The following RIN3 variants were observed in gnomAD, a reference collection of about 807,000 sequenced individuals.
RIN3 encodes the protein Ras and Rab interactor 3, also known as RAB5 interacting protein 3.
In RIN3, 54 loss-of-function variants were observed where a neutral mutation model predicts 76.3. The observed-to-expected ratio is 0.71, with a 90% CI of 0.57 to 0.89. RIN3 has a LOEUF of 0.89. Among genes scored for constraint, RIN3 ranks in the 40% least tolerant of loss-of-function variants. RIN3 has a pLI of 0.00. For synonymous variants in RIN3, 576 were observed against 564.0 expected (o/e 1.02, Z -0.30); for missense variants, 1,256 against 1,322.1 (o/e 0.95, Z 0.78).
chr14:92,591,716 G>A (rs1043938047), intron 3 of RIN3, among the ~76,000 whole-genome samples: 22 of 152,098 alleles, frequency 1.4e-4, no homozygotes, highest in Admixed American at 1.4e-3. Flanking sequence ...CACCAACCAA[G>A]ATTTCTGTAC....
intron 3 of RIN3, among the ~76,000 whole-genome samples, chr14:92,582,381 A>G (rs537062005): frequency 3.3e-5 from 5 of 151,976 alleles, no homozygotes; most frequent in East Asian, 1.9e-4. Flanking sequence ...TGCATTCACT[A>G]TAAATACACA....
intron 1 of RIN3, among the ~76,000 whole-genome samples, chr14:92,549,108 GGC>G (rs1897353403): frequency 1.3e-5 from 2 of 152,294 alleles, no homozygotes; most frequent in Admixed American, 6.5e-5. Context: ...GAGCCACACT[GGC>G]TTCTACTGGC....
intron 3 of RIN3, among the ~76,000 whole-genome samples, chr14:92,577,723 A>G (rs1193874600): frequency 6.6e-6 from 1 of 152,212 alleles, no homozygotes; most frequent in Non-Finnish European, 1.5e-5. Flanking sequence ...TCATGGCCAC[A>G]TTGAAGTTTC....
intron 3 of RIN3, among the ~76,000 whole-genome samples, chr14:92,601,145 A>G (rs1476659038): frequency 6.6e-6 from 1 of 152,240 alleles, no homozygotes; most frequent in Non-Finnish European, 1.5e-5. Context: ...GTATCTTAAA[A>G]TGACAATATT....
At chr14:92,634,084 T>G (rs1886687959) in intron 4 of RIN3, among the ~76,000 whole-genome samples, 1 of 111,628 alleles carries the variant, frequency 9.0e-6, no homozygotes, top group Admixed American at 9.0e-5. Flanking sequence ...TTTTTTTTTT[T>G]TTTTTTTGAG....
Position 92,513,923 on chromosome 14 carries a change from T to C in RIN3, c.-10T>C. The C allele has an allele frequency of 2.4e-6, 3 of 1,250,646 alleles. No homozygotes were observed. Among genetic ancestry groups the C allele is most frequent in the Non-Finnish European group, 3.0e-6 (3 of 997,814 alleles). The allele number at this position is 1,250,646 out of a possible 1,614,324, so 77.5% of individuals were successfully genotyped here. The stretch of plus-strand genomic sequence containing the variant: ...GCGCCTCCGTTCCCCGTCCCGGAGC[T>C]GCCGGCGGCATGATCCGACACGCCG... On this transcript the variant is annotated 5_prime_UTR_variant, in exon 1 of 10. Coordinates refer to ENST00000216487, the MANE Select transcript of RIN3 (RefSeq NM_024832.5).
At chr14:92,516,685 G>A (rs1896452888) in intron 1 of RIN3, among the ~76,000 whole-genome samples, 2 of 152,202 alleles carry the variant, frequency 1.3e-5, no homozygotes, top group South Asian at 4.2e-4. Flanking sequence ...GGCTGGGGGT[G>A]CAGGGTCCCC....
intron 1 of RIN3, among the ~76,000 whole-genome samples, chr14:92,521,266 C>A (rs1167250286): frequency 6.6e-6 from 1 of 152,140 alleles, no homozygotes; most frequent in Non-Finnish European, 1.5e-5. Context: ...TCCATCCATC[C>A]ATCCACTCAC....
intron 8 of RIN3, among the ~76,000 whole-genome samples, chr14:92,682,972 C>T (rs1383704042): frequency 1.3e-5 from 2 of 152,070 alleles, no homozygotes; most frequent in African/African-American, 4.8e-5. Flanking sequence ...TCGAGACCAG[C>T]CTGGCCAACA....
Position 92,681,510 on chromosome 14 carries a change from G to A in RIN3, c.2468-3477G>A, listed in dbSNP as rs534520927. Among the ~76,000 whole-genome samples the A allele has an allele frequency of 6.6e-6, 1 of 152,334 alleles. No individual in the cohort carries two copies. The highest frequency in any genetic ancestry group is 1.9e-4 in the East Asian group (1 of 5,176). On this transcript the variant is annotated intron_variant, in intron 8 of 9. Coordinates refer to ENST00000216487, the MANE Select transcript of RIN3 (RefSeq NM_024832.5). The surrounding 1 kb of genome is among the most constrained non-coding windows in gnomAD (Gnocchi z 4.7). ...CAACTTTATGATGTTTGCAGATAAG[G>A]AAACTGAGGCATAGAGAGGCCATTA... is the stretch of plus-strand genomic sequence containing the variant.
chr14:92,671,324 AGG>A (rs1222445961), intron 7 of RIN3, among the ~76,000 whole-genome samples: 2 of 146,010 alleles, frequency 1.4e-5, no homozygotes, highest in Non-Finnish European at 3.0e-5. Flanking sequence ...GGGTCCCAGG[AGG>A]GGGGGAACTG....
intron 7 of RIN3, among the ~76,000 whole-genome samples, chr14:92,660,069 A>G (rs1382636173): frequency 1.3e-5 from 2 of 152,332 alleles, no homozygotes; most frequent in East Asian, 1.9e-4. Context: ...GCTAATCACA[A>G]CTGCAACAAC....
intron 8 of RIN3, among the ~76,000 whole-genome samples, chr14:92,677,559 T>C (rs2140170873): frequency 6.6e-6 from 1 of 152,272 alleles, no homozygotes. Context: ...GTTAAAGCCA[T>C]GACGTTTGCT....
chr14:92,613,038 G>A (rs189887769), intron 3 of RIN3, among the ~76,000 whole-genome samples: 4 of 152,218 alleles, frequency 2.6e-5, no homozygotes, highest in Non-Finnish European at 2.9e-5. Flanking sequence ...AGATCAGGCC[G>A]TGCCTCAATG....
At position 92,652,004 on chromosome 14, in the gene RIN3, G is replaced by GC; in HGVS notation, c.961dup (p.His321ProfsTer103). On this transcript the variant is annotated frameshift_variant, in exon 6 of 10. Transcript: ENST00000216487. LOFTEE classifies it high-confidence loss of function. This position sits in a 1 kb window ranked among gnomAD's most constrained non-coding sequence, Gnocchi z 6.4. ...TTTGCCCACCTCTCCCCCAGTGCCT[G>GC]CCCCCCACGTCACACCCCATGCCCC... 2 of 1,472,340 alleles carry GC rather than the reference G, an allele frequency of 1.4e-6. No individual in the cohort carries two copies. Among genetic ancestry groups the GC allele is most frequent in the Non-Finnish European group, 1.8e-6 (2 of 1,095,530 alleles). 91.2% of individuals were successfully genotyped at this position (1,472,340 alleles called of 1,614,324 possible).
At chr14:92,599,503 G>A (rs1010386523) in intron 3 of RIN3, among the ~76,000 whole-genome samples, 3 of 152,210 alleles carry the variant, frequency 2.0e-5, no homozygotes, top group Non-Finnish European at 2.9e-5. Context: ...CATCACCCCA[G>A]GCCCAGGGAA....
chr14:92,657,963 G>A (rs1887731389), intron 6 of RIN3, among the ~76,000 whole-genome samples: 1 of 152,186 alleles, frequency 6.6e-6, no homozygotes, highest in Non-Finnish European at 1.5e-5. Context: ...TACAGGAACA[G>A]GGCTTGGGAC....
At chr14:92,655,330 AGAGCGAGACTCT>A (rs1887627778) in intron 6 of RIN3, among the ~76,000 whole-genome samples, 2 of 152,264 alleles carry the variant, frequency 1.3e-5, no homozygotes, top group African/African-American at 4.8e-5. Flanking sequence ...CCTGGGCAAC[AGAGCGAGACTCT>A]GTCTCAAGAA....
At chr14:92,603,030 C>T (rs1885398929) in intron 3 of RIN3, among the ~76,000 whole-genome samples, 1 of 152,240 alleles carries the variant, frequency 6.6e-6, no homozygotes, top group Admixed American at 6.5e-5. Flanking sequence ...AAAAGGCCAA[C>T]TCAGGCAAAC....
Sources: gnomAD v4.1 joint callset for allele counts (sites outside exome capture counted in the v4.1 genomes callset) on GRCh38, gnomAD v4.1.1 for gene constraint, Gnocchi (gnomAD v3.1) non-coding constraint, MANE v1.5 for transcripts, NCBI Gene and HGNC (gene_info 2026-07-23, HGNC 2026-07-21) for gene names.